Variants in GSPT1 observed in about 807,000 individuals in gnomAD.
GSPT1 encodes the protein G1 to S phase transition 1, also known as eukaryotic peptide chain release factor GTP-binding subunit ERF3A.
A neutral mutation model predicts 72.5 loss-of-function variants in GSPT1; 20 were observed. The ratio of observed to expected loss-of-function variants is 0.28; its 90% CI spans 0.19 to 0.40. The LOEUF (loss-of-function observed/expected upper bound fraction) is 0.40. Ranked by LOEUF, GSPT1 falls within the 10% of genes least tolerant of loss-of-function variation. The probability of loss-of-function intolerance (pLI) is 1.00; values close to 1 mark genes in which losing one functional copy is unlikely to be tolerated. For missense variants in GSPT1, 580 were observed against 811.9 expected (o/e 0.71, Z 3.47); for synonymous variants, 334 against 293.5 (o/e 1.14, Z -1.41).
At chr16:11,886,449 A>G (rs2054187629) in intron 9 of GSPT1, 22 bp downstream of exon 9, 6 of 1,569,852 alleles carry the variant, frequency 3.8e-6, no homozygotes, top group Non-Finnish European at 5.2e-6. Context: ...CTTTTTAAAA[A>G]AAGGAAAAAA....
rs1237236659 is a variant in GSPT1 at position 11,898,128 on chromosome 16, C to G, written c.353-93G>C. On this transcript the variant is annotated intron_variant, in intron 1 of 14. Transcript: ENST00000434724. ...TGCAGTAAAAACAGAAGTTCAATAACACGACACAAGCCTCAATCAATAACC... is the reference window on the plus strand; with the variant it reads ...TGCAGTAAAAACAGAAGTTCAATAAGACGACACAAGCCTCAATCAATAACC... 7.7e-6 allele frequency: 6 copies of G among 777,356 alleles called. No individual in the cohort carries two copies. The African/African-American group carries it at 1.0e-4, about 13-fold the overall frequency. The allele number at this position is 777,356 out of a possible 1,614,324, so 48.2% of individuals were successfully genotyped here.
At chr16:11,909,622 A>G (rs1440273669) in intron 1 of GSPT1, among the ~76,000 whole-genome samples, 1 of 152,184 alleles carries the variant, frequency 6.6e-6, no homozygotes, top group African/African-American at 2.4e-5. Context: ...CACTCTCGAC[A>G]AACTTAAAAA....
upstream of GSPT1, among the ~76,000 whole-genome samples, chr16:11,916,546 C>G (rs2054639789): frequency 6.6e-6 from 1 of 152,228 alleles, no homozygotes. Flanking sequence ...CCAGATTTTG[C>G]CCTTCATTTC....
Position 11,870,065 on chromosome 16 carries a change from G to A in GSPT1, c.*3054C>T, listed in dbSNP as rs188467358. 1 of 151,992 alleles carries A rather than the reference G, an allele frequency of 6.6e-6. No homozygotes were observed. The highest frequency in any genetic ancestry group is 1.5e-5 in the Non-Finnish European group (1 of 68,026). The allele number at this position is 151,992 out of a possible 1,614,324, so 9.4% of individuals were successfully genotyped here. The stretch of plus-strand genomic sequence containing the variant: ...ACAGTGAACAACCTGCACTGTTAGA[G>A]TTTAGGAACTTTTGACATTCGGTTA... On this transcript the variant is annotated 3_prime_UTR_variant, in exon 15 of 15. Coordinates refer to ENST00000434724, the MANE Select transcript of GSPT1 (RefSeq NM_002094.4).
At chr16:11,881,673 T>TTTC (rs71136694) in intron 11 of GSPT1, 3 of 145,150 alleles carry the variant, frequency 2.1e-5, no homozygotes, top group Non-Finnish European at 4.5e-5. Context: ...TTTTTTTTTT[T>TTTC]AGTAAAGGTC....
At chr16:11,909,137 G>A (rs1187402862) in intron 1 of GSPT1, among the ~76,000 whole-genome samples, 1 of 151,934 alleles carries the variant, frequency 6.6e-6, no homozygotes, top group East Asian at 1.9e-4. Context: ...TAGTGGGAAT[G>A]TGGTTTGGAA....
intron 1 of GSPT1, among the ~76,000 whole-genome samples, chr16:11,903,113 G>A (rs1158651145): frequency 1.3e-5 from 2 of 152,112 alleles, no homozygotes; most frequent in African/African-American, 4.8e-5. Flanking sequence ...CAGTATGTCT[G>A]TTTTCTGTCT....
chr16:11,892,529 A>ATAAAAT (rs2054278921), intron 5 of GSPT1, among the ~76,000 whole-genome samples: 2 of 147,584 alleles, frequency 1.4e-5, no homozygotes, highest in African/African-American at 5.1e-5. Context: ...AAAACAAAAA[A>ATAAAAT]AACAAAAAAT....
chr16:11,904,572 A>G (rs2054464866), intron 1 of GSPT1, among the ~76,000 whole-genome samples: 1 of 151,950 alleles, frequency 6.6e-6, no homozygotes, highest in Non-Finnish European at 1.5e-5. Flanking sequence ...AGCTATGATC[A>G]TGGGTCAAAG....
chr16:11,891,364 A>AT (rs1374870190), intron 5 of GSPT1, among the ~76,000 whole-genome samples: 6 of 143,890 alleles, frequency 4.2e-5, no homozygotes, highest in African/African-American at 1.3e-4. Context: ...ACATATATAT[A>AT]TATATTTTTT....
intron 1 of GSPT1, chr16:11,908,749 G>A (rs1300814513): frequency 4.7e-5 from 2 of 42,364 alleles, no homozygotes; most frequent in Non-Finnish European, 7.3e-5. Context: ...GACAGAGCGA[G>A]ACTCCGTCTC....
intron 5 of GSPT1, 87 bp from the exon 6 acceptor site, chr16:11,891,226 T>G (rs968003631): frequency 1.3e-5 from 8 of 623,146 alleles, no homozygotes; most frequent in Non-Finnish European, 2.2e-5. Context: ...TGTCGAAAAT[T>G]TCAACGTCAG....
In GSPT1 at chr16:11,877,970, T is replaced by C. The variant is rs1431364833; in HGVS notation, c.1429-390A>G. On this transcript the variant is annotated intron_variant, in intron 11 of 14. Transcript: ENST00000434724. The surrounding 1 kb of genome is among the most constrained non-coding windows in gnomAD (Gnocchi z 4.0). ...TAATAAACCTGTCTTCTATTACCTA[T>C]CAATCTCCAAATATCGGAATTATGC... Among the ~76,000 whole-genome samples the C allele has an allele frequency of 6.6e-6, 1 of 152,220 alleles. No individual in the cohort carries two copies. The highest frequency in any genetic ancestry group is 1.5e-5 in the Non-Finnish European group (1 of 68,042).
At chr16:11,898,515 G>A (rs941840007) in intron 1 of GSPT1, among the ~76,000 whole-genome samples, 6 of 141,936 alleles carry the variant, frequency 4.2e-5, no homozygotes, top group Admixed American at 7.6e-5. Context: ...GCAATGGCAC[G>A]ATCTTGGCTT....
Position 11,872,397 on chromosome 16 carries a change from A to T in GSPT1, c.*722T>A, listed in dbSNP as rs571475336. Reference sequence around the variant, plus strand: ...ATAAATTGGCAAAAAAAAAAAAAATAAATAAATAACTAAAAGACCTAGTAA... The same window carrying T: ...ATAAATTGGCAAAAAAAAAAAAAATTAATAAATAACTAAAAGACCTAGTAA... On this transcript the variant is annotated 3_prime_UTR_variant, in exon 15 of 15. Coordinates refer to ENST00000434724, the MANE Select transcript of GSPT1 (RefSeq NM_002094.4). The T allele has an allele frequency of 6.7e-6, 1 of 149,452 alleles. No homozygotes were observed. The highest frequency in any genetic ancestry group is 2.1e-4 in the South Asian group (1 of 4,790). 9.3% of individuals were successfully genotyped at this position (149,452 alleles called of 1,614,324 possible).
chr16:11,871,352 G>A lies in GSPT1; in HGVS notation c.*1767C>T, dbSNP rs949461836. 1 of 152,162 alleles carries A rather than the reference G, an allele frequency of 6.6e-6. No homozygotes were observed. Among genetic ancestry groups the A allele is most frequent in the Non-Finnish European group, 1.5e-5 (1 of 68,032 alleles). 9.4% of individuals were successfully genotyped at this position (152,162 alleles called of 1,614,324 possible). On this transcript the variant is annotated 3_prime_UTR_variant, in exon 15 of 15. Transcript: ENST00000434724. ...AGAGGCTGAGGCGAGTGGATCACTT[G>A]AGGTCAGAAGTTTGAGACCAGCCTG...
In GSPT1 at chr16:11,873,184, T is replaced by A. The variant is rs771936311; in HGVS notation, c.1862-13A>T. 6.7e-6 allele frequency: 10 copies of A among 1,487,614 alleles called. No individual in the cohort carries two copies. In the South Asian group the frequency reaches 1.0e-4, roughly 15 times the overall value. The allele number at this position is 1,487,614 out of a possible 1,614,324, so 92.2% of individuals were successfully genotyped here. A position where few individuals can be genotyped will look rare whatever the true frequency, so the allele number is the denominator to read the frequency against. On this transcript the variant is annotated splice_polypyrimidine_tract_variant and intron_variant, in intron 14 of 14. Transcript: ENST00000434724. ...GCAATGGTCTTACCTAGAAATGAAATTTTAAAAAAATCTTTCAGTAGTTAA... is the reference window on the plus strand; with the variant it reads ...GCAATGGTCTTACCTAGAAATGAAAATTTAAAAAAATCTTTCAGTAGTTAA...
chr16:11,886,377 A>T, intron 9 of GSPT1, 94 bp downstream of exon 9: 1 of 736,762 alleles, frequency 1.4e-6, no homozygotes. Flanking sequence ...GCTCAAAAGC[A>T]TATGTTAACA....
intron 10 of GSPT1, among the ~76,000 whole-genome samples, chr16:11,883,410 T>TG (rs2054145657): frequency 7.5e-6 from 1 of 133,792 alleles, no homozygotes; most frequent in South Asian, 2.4e-4. Context: ...GGTCAGGAGT[T>TG]GGAGACCAGC....
Sources: gnomAD v4.1 joint callset for allele counts (sites outside exome capture counted in the v4.1 genomes callset) on GRCh38, gnomAD v4.1.1 for gene constraint, Gnocchi (gnomAD v3.1) non-coding constraint, MANE v1.5 for transcripts, NCBI Gene and HGNC (gene_info 2026-07-23, HGNC 2026-07-21) for gene names.